CNTLN: variants seen among roughly 807,000 people sequenced by gnomAD.
CNTLN encodes centlein.
In CNTLN, 212 loss-of-function variants were observed where a neutral mutation model predicts 180.0. The ratio of observed to expected loss-of-function variants is 1.18; its 90% confidence interval spans 1.05 to 1.32. The LOEUF (loss-of-function observed/expected upper bound fraction) is 1.32, where lower values mean the gene tolerates loss of function less well. Among genes scored for constraint, CNTLN ranks in the 40% most tolerant of loss-of-function variants. The pLI is 0.00. For missense variants in CNTLN, 2,095 were observed against 1,610.9 expected (o/e 1.30, Z -5.14); for synonymous variants, 722 against 563.1 (o/e 1.28, Z -3.99).
At chr9:17,418,270 C>T (rs1281044079) in intron 18 of CNTLN, among the ~76,000 whole-genome samples, 1 of 151,894 alleles carries the variant, frequency 6.6e-6, no homozygotes, top group African/African-American at 2.4e-5. Context: ...TAGTGATTAA[C>T]TAGAATTAGA....
intron 7 of CNTLN, chr9:17,299,171 A>G: frequency 6.2e-6 from 1 of 160,826 alleles, no homozygotes; most frequent in Non-Finnish European, 1.1e-5. Context: ...TGAACCTGGG[A>G]GGCGGAGGTC....
chr9:17,467,669 G>A (rs1831828032), intron 23 of CNTLN, among the ~76,000 whole-genome samples: 1 of 151,596 alleles, frequency 6.6e-6, no homozygotes, highest in African/African-American at 2.4e-5. Context: ...ATTAATTTTA[G>A]TAAATGTAAT....
intron 5 of CNTLN, among the ~76,000 whole-genome samples, chr9:17,270,261 A>T (rs1298026585): frequency 6.6e-6 from 1 of 152,090 alleles, no homozygotes; most frequent in Non-Finnish European, 1.5e-5. Flanking sequence ...TGGCATTCAT[A>T]TTACTAAAGT....
chr9:17,463,628 G>T (rs1321593999), intron 20 of CNTLN, among the ~76,000 whole-genome samples: 1 of 151,536 alleles, frequency 6.6e-6, no homozygotes. Context: ...TATAAGTGAA[G>T]AGCACTTAAA....
chr9:17,268,533 C>T (rs1470111435), intron 5 of CNTLN, among the ~76,000 whole-genome samples: 2 of 152,140 alleles, frequency 1.3e-5, no homozygotes, highest in Non-Finnish European at 2.9e-5. Context: ...GATCTCTAGC[C>T]GCGTGCTGCG....
intron 5 of CNTLN, among the ~76,000 whole-genome samples, chr9:17,269,079 G>A (rs1827740426): frequency 6.6e-6 from 1 of 152,094 alleles, no homozygotes. Context: ...CTAGTGAGAT[G>A]AACCCGGTAC....
At chr9:17,324,107 C>G (rs374432395) in intron 8 of CNTLN, among the ~76,000 whole-genome samples, 1 of 152,068 alleles carries the variant, frequency 6.6e-6, no homozygotes, top group Admixed American at 6.6e-5. Context: ...CAAGCATAGT[C>G]CCTTGCTTAT....
At chr9:17,514,225 G>A in the CNTLN span, among the ~76,000 whole-genome samples, 15 of 152,140 alleles carry the variant, frequency 9.9e-5, no homozygotes, top group African/African-American at 1.7e-4. Flanking sequence ...TGGGAGGATC[G>A]CTTGAGTCTG....
chr9:17,490,896 T>G (rs1833127020), intron 25 of CNTLN, among the ~76,000 whole-genome samples: 1 of 152,130 alleles, frequency 6.6e-6, no homozygotes, highest in Admixed American at 6.6e-5. Context: ...GAATTCTGTC[T>G]AGTGGCTGTA....
Position 17,394,633 on chromosome 9 carries a change from T to C in CNTLN, c.2179T>C (p.Ser727Pro), listed in dbSNP as rs754103426. The change falls in exon 15 of 26, where the codon TCC becomes CCC. Residue 727 changes from serine (S) to proline (P), a missense_variant. Ser to Pro is a moderately conservative substitution (Grantham distance 74, BLOSUM62 -1). Coordinates refer to ENST00000380647, the MANE Select transcript of CNTLN (RefSeq NM_017738.4). The stretch of plus-strand genomic sequence containing the variant: ...AATGAAAGAAAATGATTTTCTGAAA[T>C]CCCTCTTAAAACAGCAACAAGAAGA... The part of the protein sequence containing the change: ...KLMKENDFLK[S>P]LLKQQQEDTE... 1.9e-5 allele frequency: 31 copies of C among 1,605,278 alleles called. No individual in the cohort carries two copies. The highest frequency in any genetic ancestry group is 2.3e-5 in the Non-Finnish European group (27 of 1,177,778).
chr9:17,299,847 A>G (rs1818222731), intron 7 of CNTLN: 2 of 967,982 alleles, frequency 2.1e-6, no homozygotes, highest in Non-Finnish European at 2.5e-6. Context: ...TGCTTGAAAC[A>G]TTTTTTTCCC....
rs529260047 is a variant in CNTLN, at chr9:17,484,807, G to T, written c.4041+327G>T. On this transcript the variant is annotated intron_variant, in intron 24 of 25. Transcript: ENST00000380647. Reference sequence around the variant, plus strand: ...TAAACCAGTATACTTAATTAAGCTAGCTTAAATGGATTTAGTTAAGCTGAT... The same window carrying T: ...TAAACCAGTATACTTAATTAAGCTATCTTAAATGGATTTAGTTAAGCTGAT... Among the ~76,000 whole-genome samples the T allele has an allele frequency of 5.3e-5, 8 of 151,878 alleles. No individual in the cohort carries two copies. The South Asian group carries it at 1.7e-3, about 32-fold the overall frequency.
At chr9:17,342,770 A>G (rs1291695904) in intron 12 of CNTLN, among the ~76,000 whole-genome samples, 2 of 152,068 alleles carry the variant, frequency 1.3e-5, no homozygotes, top group South Asian at 4.2e-4. Flanking sequence ...TGAGGTGGAG[A>G]GGGGATAACC....
intron 13 of CNTLN, among the ~76,000 whole-genome samples, chr9:17,367,325 A>G (rs991532789): frequency 1.3e-5 from 2 of 152,232 alleles, no homozygotes; most frequent in African/African-American, 4.8e-5. Context: ...CCAGAGGACA[A>G]TCACCCATCC....
chr9:17,335,485 C>A (rs1004440843), intron 10 of CNTLN, among the ~76,000 whole-genome samples: 2 of 152,054 alleles, frequency 1.3e-5, no homozygotes, highest in African/African-American at 2.4e-5. Flanking sequence ...CCACTGCACT[C>A]CAGCCTGGTG....
Position 17,227,540 on chromosome 9 carries a change from G to A in CNTLN, c.534+1253G>A, listed in dbSNP as rs184805275. The stretch of plus-strand genomic sequence containing the variant: ...AAATAAATTATAATTTTTCTTGGGA[G>A]GTACCTTTTTGGCAACCATGTTCTT... On this transcript the variant is annotated intron_variant, in intron 3 of 25. Coordinates refer to ENST00000380647, the MANE Select transcript of CNTLN (RefSeq NM_017738.4). Among the ~76,000 whole-genome samples the A allele has an allele frequency of 2.1e-3, 321 of 151,820 alleles. 1 individual carries two copies. The highest frequency in any genetic ancestry group is 7.3e-3 in the African/African-American group (304 of 41,434).
chr9:17,465,584 CA>C (rs946735813), intron 21 of CNTLN, among the ~76,000 whole-genome samples: 36 of 146,678 alleles, frequency 2.5e-4, no homozygotes, highest in African/African-American at 8.6e-4. Flanking sequence ...TTATTTCATC[CA>C]AAAAAAGGTA....
intron 5 of CNTLN, among the ~76,000 whole-genome samples, chr9:17,253,470 A>ATCTTAACC (rs1221304168): frequency 6.6e-6 from 1 of 151,268 alleles, no homozygotes; most frequent in Non-Finnish European, 1.5e-5. Flanking sequence ...TTTTGTAGAG[A>ATCTTAACC]TCTTAACCCT....
At chr9:17,356,573 T>A (rs568322382) in intron 12 of CNTLN, among the ~76,000 whole-genome samples, 49 of 152,246 alleles carry the variant, frequency 3.2e-4, no homozygotes, top group Non-Finnish European at 5.4e-4. Flanking sequence ...GAAAATAATA[T>A]ATGGGAAAAT....
Sources: allele counts gnomAD v4.1 joint callset (sites outside exome capture counted in the v4.1 genomes callset), GRCh38; gene constraint gnomAD v4.1.1; transcripts MANE v1.5; gene names NCBI Gene and HGNC (gene_info 2026-07-23, HGNC 2026-07-21).